The following NPAS3 variants were observed in gnomAD, a reference collection of about 807,000 sequenced individuals.
The protein encoded by NPAS3 is neuronal PAS domain protein 3, also known as neuronal PAS domain-containing protein 3.
In NPAS3, 14 loss-of-function variants were observed where a neutral mutation model predicts 73.1. The observed-to-expected ratio is 0.19, with a 90% CI of 0.13 to 0.30. The LOEUF is 0.30. NPAS3 is among the 10% of genes least tolerant of loss of function. NPAS3 has a pLI of 1.00. For missense variants in NPAS3, 1,096 were observed against 1,250.0 expected (o/e 0.88, Z 1.86); for synonymous variants, 620 against 541.5 (o/e 1.14, Z -2.01).
chr14:33,720,649 G>A (rs1271506629), intron 6 of NPAS3, among the ~76,000 whole-genome samples: 1 of 152,188 alleles, frequency 6.6e-6, no homozygotes, highest in African/African-American at 2.4e-5. Context: ...TATCCTTTGA[G>A]TAAACAGTAA....
chr14:33,015,585 C>A (rs543945290), intron 1 of NPAS3, among the ~76,000 whole-genome samples: 20 of 100,900 alleles, frequency 2.0e-4, no homozygotes, highest in African/African-American at 4.7e-4. Flanking sequence ...TAAGGACTAA[C>A]CTTTCTCTTT....
intron 4 of NPAS3, among the ~76,000 whole-genome samples, chr14:33,412,737 T>A (rs911143588): frequency 1.3e-5 from 2 of 152,148 alleles, no homozygotes; most frequent in Non-Finnish European, 2.9e-5. Flanking sequence ...TTTGACATTT[T>A]CTTACCTGTA....
chr14:33,629,834 A>G (rs2058330066), intron 5 of NPAS3, among the ~76,000 whole-genome samples: 1 of 152,078 alleles, frequency 6.6e-6, no homozygotes, highest in Non-Finnish European at 1.5e-5. Context: ...GTGACTTCAA[A>G]CAACAGGCAT....
intron 4 of NPAS3, among the ~76,000 whole-genome samples, chr14:33,409,260 G>A (rs1407311488): frequency 6.6e-6 from 1 of 152,114 alleles, no homozygotes; most frequent in Admixed American, 6.6e-5. Flanking sequence ...GATTAGAGGT[G>A]CAGAAATATA....
At chr14:33,418,728 A>T (rs2139000489) in intron 4 of NPAS3, among the ~76,000 whole-genome samples, 1 of 151,982 alleles carries the variant, frequency 6.6e-6, no homozygotes, top group African/African-American at 2.4e-5. Flanking sequence ...TTGGAGTTGA[A>T]ACACTTGCAT....
At chr14:33,343,224 G>T (rs937230057) in intron 3 of NPAS3, among the ~76,000 whole-genome samples, 2 of 152,108 alleles carry the variant, frequency 1.3e-5, no homozygotes, top group Admixed American at 1.3e-4. Context: ...TTGTCAAACT[G>T]GGGCTTATTT....
At chr14:33,235,984 G>A (rs559357463) in intron 3 of NPAS3, among the ~76,000 whole-genome samples, 15 of 151,698 alleles carry the variant, frequency 9.9e-5, no homozygotes, top group African/African-American at 3.6e-4. Context: ...TAGACACGGG[G>A]TCTCACAATG....
intron 4 of NPAS3, among the ~76,000 whole-genome samples, chr14:33,411,373 G>A (rs929094258): frequency 3.9e-5 from 6 of 152,094 alleles, no homozygotes; most frequent in African/African-American, 1.2e-4. Flanking sequence ...AGTAGAGACA[G>A]GGTTTCGCCA....
At chr14:33,219,774 T>G (rs778909237) in intron 3 of NPAS3, among the ~76,000 whole-genome samples, 1 of 152,222 alleles carries the variant, frequency 6.6e-6, no homozygotes, top group Non-Finnish European at 1.5e-5. Flanking sequence ...CAGGTCGTAC[T>G]CAGAGTGACA....
chr14:33,116,417 T>A (rs1317278317), intron 2 of NPAS3, among the ~76,000 whole-genome samples: 1 of 152,134 alleles, frequency 6.6e-6, no homozygotes, highest in Non-Finnish European at 1.5e-5. Flanking sequence ...TTAAGTAAGT[T>A]TACTTTTGAA....
chr14:32,966,915 A>G (rs977195236), intron 1 of NPAS3, among the ~76,000 whole-genome samples: 5 of 152,328 alleles, frequency 3.3e-5, no homozygotes, highest in African/African-American at 7.2e-5. Context: ...AAAAGCAAAA[A>G]TAGACAAATG....
chr14:33,178,638 A>G (rs1464296563), intron 2 of NPAS3, among the ~76,000 whole-genome samples: 1 of 152,164 alleles, frequency 6.6e-6, no homozygotes, highest in Non-Finnish European at 1.5e-5. Context: ...CCCAGTCTAG[A>G]GAAATGCAAC....
chr14:33,078,211 C>A (rs148724282), intron 2 of NPAS3, among the ~76,000 whole-genome samples: 1 of 151,952 alleles, frequency 6.6e-6, no homozygotes, highest in Admixed American at 6.6e-5. Flanking sequence ...CTATTACTTG[C>A]CTGACGGAAC....
intron 5 of NPAS3, among the ~76,000 whole-genome samples, chr14:33,626,343 C>T (rs544544522): frequency 6.6e-6 from 1 of 152,258 alleles, no homozygotes; most frequent in African/African-American, 2.4e-5. Flanking sequence ...TTGCCTTTCT[C>T]TTAACAGAGG....
At chr14:32,971,089 T>C (rs2037401559) in intron 1 of NPAS3, among the ~76,000 whole-genome samples, 1 of 14,716 alleles carries the variant, frequency 6.8e-5, no homozygotes, top group Non-Finnish European at 2.5e-4. Context: ...TTCTTTTTTC[T>C]TTTTTTTTTT....
intron 5 of NPAS3, among the ~76,000 whole-genome samples, chr14:33,566,622 T>C (rs1351616460): frequency 6.6e-6 from 1 of 152,156 alleles, no homozygotes; most frequent in Non-Finnish European, 1.5e-5. Flanking sequence ...GATCTTTTCA[T>C]CAGAAAGAGT....
intron 4 of NPAS3, among the ~76,000 whole-genome samples, chr14:33,557,883 G>A (rs2055436949): frequency 6.6e-6 from 1 of 152,174 alleles, no homozygotes; most frequent in Non-Finnish European, 1.5e-5. Context: ...GCAGGAGAAT[G>A]GTGTGAACCC....
At chr14:33,283,722 G>A (rs1196787292) in intron 3 of NPAS3, among the ~76,000 whole-genome samples, 1 of 152,164 alleles carries the variant, frequency 6.6e-6, no homozygotes, top group Non-Finnish European at 1.5e-5. Context: ...GTATTTAGGG[G>A]AATCAGACAA....
intron 3 of NPAS3, among the ~76,000 whole-genome samples, chr14:33,348,244 T>C (rs1579701): frequency 0.44 from 66,656 of 151,904 alleles, 15,202 homozygotes; most frequent in African/African-American, 0.54. Context: ...TTGTAGAACC[T>C]GAACTCTTCT....
Sources: allele counts gnomAD v4.1 joint callset (sites outside exome capture counted in the v4.1 genomes callset), GRCh38; gene constraint gnomAD v4.1.1; transcripts MANE v1.5; gene names NCBI Gene and HGNC (gene_info 2026-07-23, HGNC 2026-07-21).